Variants in CSGALNACT1 observed in about 807,000 individuals in gnomAD.
CSGALNACT1 encodes the protein beta4GalNAcT-1.
CSGALNACT1 carries 52 observed loss-of-function variants against 51.0 expected under a neutral mutation model. The ratio of observed to expected loss-of-function variants is 1.02; its 90% confidence interval spans 0.82 to 1.29. CSGALNACT1 has a LOEUF of 1.29. Ranked by LOEUF, CSGALNACT1 falls within the 50% of genes most tolerant of loss-of-function variation. The pLI, the probability that CSGALNACT1 is intolerant of heterozygous loss-of-function variation, is 0.00. For synonymous variants in CSGALNACT1, 341 were observed against 254.4 expected (o/e 1.34, Z -3.24); for missense variants, 935 against 679.2 (o/e 1.38, Z -4.19).
chr8:19,422,406 C>G (rs1216241763), intron 6 of CSGALNACT1, among the ~76,000 whole-genome samples: 1 of 152,128 alleles, frequency 6.6e-6, no homozygotes, highest in Non-Finnish European at 1.5e-5. Context: ...TGTTGCCCAA[C>G]TCTTGGCTTC....
intron 1 of CSGALNACT1, among the ~76,000 whole-genome samples, chr8:19,615,139 C>T (rs1269128205): frequency 2.0e-5 from 3 of 152,062 alleles, no homozygotes; most frequent in Non-Finnish European, 4.4e-5. Flanking sequence ...CCCCATCCCT[C>T]CTAAAAATAC....
chr8:19,618,629 C>CAAAAAAAAAAAAAAA (rs60787326), intron 1 of CSGALNACT1, among the ~76,000 whole-genome samples: 4 of 64,034 alleles, frequency 6.2e-5, no homozygotes, highest in Non-Finnish European at 1.1e-4. Flanking sequence ...AATACTCCAT[C>CAAAAAAAAAAAAAAA]AAAAAAAAAA....
chr8:19,458,699 GT>G, intron 4 of CSGALNACT1, 57 bp from the exon 4 acceptor site: 1 of 1,492,518 alleles, frequency 6.7e-7, no homozygotes, highest in South Asian at 1.2e-5. Flanking sequence ...GCTGCTGAGT[GT>G]TTTTCAACCG....
intron 6 of CSGALNACT1, among the ~76,000 whole-genome samples, chr8:19,424,276 T>A (rs1010738910): frequency 7.2e-5 from 11 of 152,100 alleles, no homozygotes; most frequent in African/African-American, 2.7e-4. Context: ...CTGTCATCCA[T>A]CTGTGTTTCC....
At chr8:19,526,566 A>T (rs1406020197) in intron 3 of CSGALNACT1, among the ~76,000 whole-genome samples, 1 of 152,166 alleles carries the variant, frequency 6.6e-6, no homozygotes, top group East Asian at 1.9e-4. Context: ...TTGGTGACAG[A>T]GCGAGACTCT....
chr8:19,492,522 C>T (rs1295558279), intron 4 of CSGALNACT1, among the ~76,000 whole-genome samples: 1 of 152,208 alleles, frequency 6.6e-6, no homozygotes, highest in African/African-American at 2.4e-5. Context: ...AAACTCTGTG[C>T]CATCTACCCT....
intron 1 of CSGALNACT1, among the ~76,000 whole-genome samples, chr8:19,625,802 G>A (rs993329337): frequency 1.3e-5 from 2 of 152,136 alleles, no homozygotes; most frequent in African/African-American, 4.8e-5. Flanking sequence ...TGAGGCTGGG[G>A]AATTCATCCT....
At chr8:19,725,186 G>C (rs1263848947) in intron 1 of CSGALNACT1, among the ~76,000 whole-genome samples, 1 of 152,192 alleles carries the variant, frequency 6.6e-6, no homozygotes, top group Non-Finnish European at 1.5e-5. Context: ...TTTCAGGCAG[G>C]TGCGGAAGTC....
At chr8:19,730,157 A>C (rs1221280750) in intron 1 of CSGALNACT1, among the ~76,000 whole-genome samples, 4 of 152,192 alleles carry the variant, frequency 2.6e-5, no homozygotes, top group African/African-American at 4.8e-5. Flanking sequence ...CAGAAAGCTC[A>C]TTCCTTGAGA....
intron 1 of CSGALNACT1, among the ~76,000 whole-genome samples, chr8:19,679,257 A>G (rs975771613): frequency 1.3e-5 from 2 of 152,102 alleles, no homozygotes; most frequent in Non-Finnish European, 2.9e-5. Flanking sequence ...GTTCGAGGCC[A>G]GCCTGGGCAA....
intron 1 of CSGALNACT1, among the ~76,000 whole-genome samples, chr8:19,704,202 G>A (rs978157473): frequency 1.3e-5 from 2 of 152,118 alleles, no homozygotes; most frequent in African/African-American, 4.8e-5. Flanking sequence ...GGAAAAACAA[G>A]GCACTAAACG....
chr8:19,494,910 G>T (rs1426710798), intron 4 of CSGALNACT1: 1 of 151,768 alleles, frequency 6.6e-6, no homozygotes, highest in Admixed American at 6.6e-5. Context: ...CAGGAGGGTC[G>T]GGTAGGATTT....
In CSGALNACT1 at chr8:19,539,495, G is replaced by A. The variant is rs10106180; in HGVS notation, c.-296-33365C>T. Among the ~76,000 whole-genome samples the A allele has an allele frequency of 6.2e-3, 946 of 152,270 alleles. 10 individuals carry two copies. Among genetic ancestry groups the A allele is most frequent in the African/African-American group, 0.021 (871 of 41,550 alleles). The stretch of plus-strand genomic sequence containing the variant: ...CATATAGAAAGCACTGAATAAGTAC[G>A]TTTTTGACTGGAAGGGAATTTAAAG... On this transcript the variant is annotated intron_variant, in intron 3 of 9. Transcript: ENST00000454498.
chr8:19,558,964 G>C (rs2040093123), intron 3 of CSGALNACT1, among the ~76,000 whole-genome samples: 1 of 152,070 alleles, frequency 6.6e-6, no homozygotes, highest in Non-Finnish European at 1.5e-5. Context: ...TTTCCCAAAG[G>C]AAGATCATTT....
intron 1 of CSGALNACT1, among the ~76,000 whole-genome samples, chr8:19,628,244 G>C (rs2054703319): frequency 6.6e-6 from 1 of 152,144 alleles, no homozygotes; most frequent in East Asian, 1.9e-4. Context: ...ACATGGCTGG[G>C]GAGGCCTCAG....
rs998603761 is a variant in CSGALNACT1, at chr8:19,514,457, A to G, written c.-296-8327T>C. 2.3e-4 allele frequency among the ~76,000 whole-genome samples: 31 copies of G among 132,230 alleles called. 1 individual carries two copies. Among genetic ancestry groups the G allele is most frequent in the Admixed American group, 3.1e-4 (4 of 12,880 alleles). The allele number at this position is 132,230 out of a possible 152,430, so 86.7% of individuals were successfully genotyped here. ...AAAAATAGCACATTTCAGGCATCAT[A>G]TGACTTTTGAACAGAGACTATATAT... On this transcript the variant is annotated intron_variant, in intron 3 of 9. Transcript: ENST00000454498.
At chr8:19,538,184 C>A (rs2084212998) in intron 3 of CSGALNACT1, among the ~76,000 whole-genome samples, 1 of 151,888 alleles carries the variant, frequency 6.6e-6, no homozygotes, top group South Asian at 2.1e-4. Flanking sequence ...TAAAAGTGAG[C>A]CAGGCATGGT....
At chr8:19,628,283 G>A (rs749166286) in intron 1 of CSGALNACT1, among the ~76,000 whole-genome samples, 1 of 152,188 alleles carries the variant, frequency 6.6e-6, no homozygotes, top group Non-Finnish European at 1.5e-5. Flanking sequence ...GCAAGGCCAA[G>A]GAGAAGTAAG....
intron 6 of CSGALNACT1, among the ~76,000 whole-genome samples, chr8:19,426,812 T>A (rs2058843095): frequency 2.6e-5 from 4 of 152,194 alleles, no homozygotes. Context: ...AATTACTGGA[T>A]TAAAAACGAT....
Sources: gnomAD v4.1 joint callset for allele counts (sites outside exome capture counted in the v4.1 genomes callset) on GRCh38, gnomAD v4.1.1 for gene constraint, MANE v1.5 for transcripts, NCBI Gene and HGNC (gene_info 2026-07-23, HGNC 2026-07-21) for gene names.